ARHGEF11: variants seen among roughly 807,000 people sequenced by gnomAD.
ARHGEF11 encodes Rho guanine exchange factor (GEF) 11.
A neutral mutation model predicts 193.7 loss-of-function variants in ARHGEF11; 55 were observed. That is an observed-to-expected ratio of 0.28 (90% confidence interval 0.23 to 0.36). The LOEUF (loss-of-function observed/expected upper bound fraction) is 0.36, where lower values mean the gene tolerates loss of function less well. Ranked by LOEUF, ARHGEF11 falls within the 10% of genes least tolerant of loss-of-function variation. ARHGEF11 has a pLI of 1.00. For missense variants in ARHGEF11, 1,723 were observed against 2,005.6 expected, an observed-to-expected ratio of 0.86 and a Z score of 2.69; for synonymous variants, 693 against 768.0, an observed-to-expected ratio of 0.90 and a Z score of 1.62.
chr1:157,007,913 G>GTTTTTTTTTTT (rs10580966), intron 1 of ARHGEF11, among the ~76,000 whole-genome samples: 2 of 118,852 alleles, frequency 1.7e-5, no homozygotes, highest in Non-Finnish European at 1.8e-5. Flanking sequence ...TTTTTTTTTT[G>GTTTTTTTTTTT]TTTTTTTTTT....
chr1:156,943,001 C>G (rs896962415), intron 32 of ARHGEF11, among the ~76,000 whole-genome samples: 1 of 152,078 alleles, frequency 6.6e-6, no homozygotes, highest in Non-Finnish European at 1.5e-5. Context: ...CAGCCACCCC[C>G]ATTCCTCTCC....
intron 6 of ARHGEF11, among the ~76,000 whole-genome samples, 200 bp from the exon 7 acceptor site, chr1:156,977,254 T>C (rs570930418): frequency 6.7e-4 from 102 of 152,328 alleles, no homozygotes; most frequent in African/African-American, 2.4e-3. Context: ...TGTAATCACC[T>C]TTGGTATCAA....
intron 1 of ARHGEF11, among the ~76,000 whole-genome samples, chr1:157,034,837 T>TA: frequency 6.6e-6 from 1 of 152,218 alleles, no homozygotes; most frequent in African/African-American, 2.4e-5. Flanking sequence ...GCAAATAAGA[T>TA]AAAGTTGAAT....
chr1:157,006,207 A>C (rs1667801011), intron 1 of ARHGEF11, among the ~76,000 whole-genome samples: 1 of 152,096 alleles, frequency 6.6e-6, no homozygotes, highest in African/African-American at 2.4e-5. Flanking sequence ...TGGCCCTTCA[A>C]GGGATCCTCC....
intron 1 of ARHGEF11, among the ~76,000 whole-genome samples, chr1:157,035,401 C>CTTTTTTTTT (rs113951875): frequency 7.0e-6 from 1 of 142,548 alleles, no homozygotes; most frequent in African/African-American, 2.6e-5. Context: ...TCACAAAATG[C>CTTTTTTTTT]TTTTTTTTTT....
At chr1:156,993,851 T>C (rs1571403560) in intron 1 of ARHGEF11, among the ~76,000 whole-genome samples, 1 of 152,092 alleles carries the variant, frequency 6.6e-6, no homozygotes, top group East Asian at 1.9e-4. Context: ...AGTTCCCTCA[T>C]CTCTTAAACT....
chr1:157,024,886 T>G (rs1670457529), intron 1 of ARHGEF11, among the ~76,000 whole-genome samples: 1 of 152,252 alleles, frequency 6.6e-6, no homozygotes, highest in Admixed American at 6.5e-5. Context: ...ATGTTTTCTC[T>G]TGAACCCCTT....
chr1:156,964,798 C>T (rs990355603), intron 11 of ARHGEF11, among the ~76,000 whole-genome samples: 1 of 152,210 alleles, frequency 6.6e-6, no homozygotes, highest in African/African-American at 2.4e-5. Context: ...AAACACCCTA[C>T]TCTCTGACCC....
chr1:156,996,853 C>G (rs1230907387), intron 1 of ARHGEF11, among the ~76,000 whole-genome samples: 5 of 127,320 alleles, frequency 3.9e-5, no homozygotes, highest in Non-Finnish European at 8.1e-5. Context: ...AGGAACCTCT[C>G]TCTCTATTTT....
Position 156,967,996 on chromosome 1 carries a change from G to A in ARHGEF11, c.954C>T (p.Thr318=), listed in dbSNP as rs149641569. The A allele has an allele frequency of 2.2e-4, 362 of 1,614,018 alleles. No homozygotes were observed. Among genetic ancestry groups the A allele is most frequent in the Non-Finnish European group, 2.8e-4 (332 of 1,180,040 alleles). The change falls in exon 11 of 41, where the codon ACC becomes ACT. Residue 318 remains threonine (T), a synonymous_variant. Coordinates refer to ENST00000368194, the MANE Select transcript of ARHGEF11 (RefSeq NM_198236.3). ...GCTCCAGATCACTCACCTGGTCACC[G>A]GTTGAGGGGACTGCTGCATCCGAGC... The part of the protein sequence containing the change: ...RQGSDAAVPS[T]GDQGVDQSPK...
At chr1:157,018,831 A>T (rs1035599509) in intron 1 of ARHGEF11, among the ~76,000 whole-genome samples, 2 of 152,184 alleles carry the variant, frequency 1.3e-5, no homozygotes, top group African/African-American at 4.8e-5. Flanking sequence ...CACATATACG[A>T]TCAATGGATT....
chr1:156,946,048 C>T lies in ARHGEF11; in HGVS notation c.2809G>A (p.Glu937Lys). 6.2e-7 allele frequency: 1 copy of T among 1,612,802 alleles called. No individual in the cohort carries two copies. The highest frequency in any genetic ancestry group is 2.2e-5 in the East Asian group (1 of 44,862). The change falls in exon 29 of 41, where the codon GAG becomes AAG. Residue 937 changes from glutamate (E) to lysine (K), a missense_variant. By Grantham distance (56) the Glu-to-Lys change is moderately conservative. Transcript: ENST00000368194. Reference protein sequence around the residue: ...LLLESIIKHTEGGTSEHEKLC... With the variant: ...LLLESIIKHTKGGTSEHEKLC... The stretch of plus-strand genomic sequence containing the variant: ...CCAGCCCCTCCCCAGGTGCTACCCT[C>T]TGTGTGCTTGATGATGCTCTCCAGC...
intron 5 of ARHGEF11, 136 bp downstream of exon 5, chr1:156,979,093 A>G (rs935084682): frequency 2.6e-6 from 2 of 768,346 alleles, no homozygotes; most frequent in Non-Finnish European, 4.5e-6. Flanking sequence ...TGTTACGATT[A>G]AAGATGTGAC....
intron 17 of ARHGEF11, 133 bp from the exon 18 acceptor site, chr1:156,957,948 T>TATGATGTG: frequency 1.3e-6 from 1 of 788,518 alleles, no homozygotes; most frequent in South Asian, 1.5e-5. Flanking sequence ...GAAGTACGTC[T>TATGATGTG]GATGCACAAG....
chr1:157,016,607 C>G (rs1669262327), intron 1 of ARHGEF11, among the ~76,000 whole-genome samples: 1 of 152,114 alleles, frequency 6.6e-6, no homozygotes, highest in African/African-American at 2.4e-5. Flanking sequence ...AGTATTGTGA[C>G]TGTATTTTTA....
Position 156,968,118 on chromosome 1 carries a change from T to C in ARHGEF11, c.832A>G (p.Met278Val), listed in dbSNP as rs367701557. ...ERFPSLSESL[M>V]NRNSVLSDPG... ...TCTGACAGTACCGAGTTCCGATTCA[T>C]CAATGACTAGAGAAACAAAGAATTC... is the stretch of plus-strand genomic sequence containing the variant. The change falls in exon 11 of 41, where the codon ATG (methionine) becomes GTG (valine). Residue 278 changes from methionine to valine, a missense_variant. By Grantham distance (21) the Met-to-Val change is conservative (BLOSUM62 1). Around this residue, in one of 5 missense-constraint regions of ARHGEF11, gnomAD observed 646 missense variants for 710.7 expected, o/e 0.91. Coordinates refer to ENST00000368194, the MANE Select transcript of ARHGEF11 (RefSeq NM_198236.3). The C allele has an allele frequency of 5.0e-6, 8 of 1,607,146 alleles. No homozygotes were observed. The African/African-American group carries it at 9.4e-5, about 19-fold the overall frequency.
At chr1:156,947,169 C>G (rs1460173370) in intron 26 of ARHGEF11, 135 bp downstream of exon 26, 2 of 1,476,916 alleles carry the variant, frequency 1.4e-6, no homozygotes, top group Non-Finnish European at 9.2e-7. Flanking sequence ...TGGTTTCAGG[C>G]TGTCCACAGA....
At chr1:156,944,327 T>C (rs1252363257) in intron 31 of ARHGEF11, 31 bp downstream of exon 31, 1 of 1,610,330 alleles carries the variant, frequency 6.2e-7, no homozygotes, top group Admixed American at 1.7e-5. Flanking sequence ...CACTACAGGT[T>C]CCTGCTCAGT....
intron 38 of ARHGEF11, 79 bp from the exon 39 acceptor site, chr1:156,937,575 C>T: frequency 6.9e-7 from 1 of 1,448,662 alleles, no homozygotes; most frequent in Non-Finnish European, 9.3e-7. Flanking sequence ...TGGGATTCCC[C>T]AGCCACCTGA....
Sources: gnomAD v4.1 joint callset for allele counts (sites outside exome capture counted in the v4.1 genomes callset) on GRCh38, gnomAD v4.1.1 for gene constraint, gnomAD v4.1.1 regional missense constraint, MANE v1.5 for transcripts, NCBI Gene and HGNC (gene_info 2026-07-23, HGNC 2026-07-21) for gene names.